The following STKLD1 variants were observed in gnomAD, a reference collection of about 807,000 sequenced individuals.
STKLD1 encodes the protein serine/threonine kinase-like domain-containing protein STKLD1.
Under a neutral mutation model 80.4 loss-of-function variants are expected in STKLD1, and 79 were observed. That is an observed-to-expected ratio of 0.98 (90% CI 0.82 to 1.19). STKLD1 has a LOEUF of 1.19. Among genes scored for constraint, STKLD1 ranks in the 50% most tolerant of loss-of-function variants. The pLI, the probability that STKLD1 is intolerant of heterozygous loss-of-function variation, is 0.00. For missense variants in STKLD1, 841 were observed against 856.0 expected (o/e 0.98, Z 0.22); for synonymous variants, 393 against 357.6 (o/e 1.10, Z -1.12).
chr9:133,403,872 G>A, intron 15 of STKLD1, 44 bp downstream of exon 15: 1 of 1,611,336 alleles, frequency 6.2e-7, no homozygotes, highest in Non-Finnish European at 8.5e-7. Flanking sequence ...TGGGAGGGGT[G>A]GGCCTCATGG....
chr9:133,404,893 A>C lies in STKLD1; in HGVS notation c.1837A>C (p.Asn613His). 1 of 1,613,440 alleles carries C rather than the reference A, an allele frequency of 6.2e-7. No individual in the cohort carries two copies. The highest frequency in any genetic ancestry group is 1.7e-4 in the Middle Eastern group (1 of 6,056). ...LHRDDPEVVE[N>H]VGMLLVHLAS... ...CAGGGACGACCCGGAGGTGGTGGAG[A>C]ACGTGGGCATGCTGCTGGTCCACCT... Residue 613 changes from asparagine to histidine, a missense_variant, in exon 17 of 18, where the codon AAC (asparagine) becomes CAC (histidine). Physicochemically the swap from Asn to His is moderately conservative, Grantham distance 68. Coordinates refer to ENST00000371957, the MANE Select transcript of STKLD1 (RefSeq NM_153710.5).
intron 10 of STKLD1, 151 bp downstream of exon 10, chr9:133,397,445 C>A (rs1838591094): frequency 4.0e-6 from 4 of 1,010,244 alleles, no homozygotes; most frequent in Non-Finnish European, 5.8e-6. Flanking sequence ...TCCCTCCATC[C>A]ATCCCTACAC....
At chr9:133,396,068 A>C in intron 9 of STKLD1, 1 of 216,448 alleles carries the variant, frequency 4.6e-6, no homozygotes, top group Non-Finnish European at 9.2e-6. Context: ...ATAAAAAAAA[A>C]AATTCCTAAA....
Position 133,405,469 on chromosome 9 carries a change from A to G in STKLD1, c.*48A>G. The G allele has an allele frequency of 6.5e-7, 1 of 1,527,718 alleles. No homozygotes were observed. The highest frequency in any genetic ancestry group is 8.8e-7 in the Non-Finnish European group (1 of 1,139,066). The allele number at this position is 1,527,718 out of a possible 1,614,324, so 94.6% of individuals were successfully genotyped here. A position where few individuals can be genotyped will look rare whatever the true frequency, so the allele number is the denominator to read the frequency against. On this transcript the variant is annotated 3_prime_UTR_variant, in exon 18 of 18. Coordinates refer to ENST00000371957, the MANE Select transcript of STKLD1 (RefSeq NM_153710.5). ...GATCTCCACGTGTATAGTTTTCAAG[A>G]CTGCTCTCCTGCCTGCCTATTATCC...
In STKLD1 at chr9:133,403,694, T is replaced by C. The variant is rs782319309; in HGVS notation, c.1475-6T>C. On this transcript the variant is annotated splice_region_variant and splice_polypyrimidine_tract_variant and intron_variant, in intron 14 of 17. Transcript: ENST00000371957. ...GTGTCCCCTTCCATCCCTGTCCTCG[T>C]TCCAGGTATCATTGTGAACAAGGCC... The C allele has an allele frequency of 6.2e-7, 1 of 1,612,526 alleles. No individual in the cohort carries two copies. Among genetic ancestry groups the C allele is most frequent in the African/African-American group, 1.3e-5 (1 of 75,052 alleles).
intron 17 of STKLD1, 83 bp downstream of exon 17, chr9:133,405,012 G>A (rs1002990606): frequency 1.2e-4 from 184 of 1,550,472 alleles, no homozygotes; most frequent in Non-Finnish European, 1.6e-4. Flanking sequence ...CAGGGAAGGA[G>A]CACATGGAAG....
chr9:133,387,753 C>A (rs2130280678), intron 5 of STKLD1: 1 of 673,828 alleles, frequency 1.5e-6, no homozygotes, highest in Admixed American at 2.0e-5. Flanking sequence ...CAACTTCCAC[C>A]CAGATCAAGA....
Position 133,405,638 on chromosome 9 carries a change from C to G in STKLD1, c.*217C>G, listed in dbSNP as rs1045255230. ...GGACTGTCCACGAAAACTGACTTGC[C>G]TGCTTCCTCCTTCCAGGAACTGGTT... is the stretch of plus-strand genomic sequence containing the variant. On this transcript the variant is annotated 3_prime_UTR_variant, in exon 18 of 18. Coordinates refer to ENST00000371957, the MANE Select transcript of STKLD1 (RefSeq NM_153710.5). 1 of 445,718 alleles carries G rather than the reference C, an allele frequency of 2.2e-6. No individual in the cohort carries two copies. The highest frequency in any genetic ancestry group is 2.0e-5 in the African/African-American group (1 of 48,980). The allele number at this position is 445,718 out of a possible 1,614,324, so 27.6% of individuals were successfully genotyped here.
rs181110570 is a variant in STKLD1 at position 133,401,720 on chromosome 9, T to C, written c.1199-18T>C. The C allele has an allele frequency of 1.9e-4, 312 of 1,608,078 alleles. 1 individual carries two copies. The East Asian group carries it at 5.0e-3, about 26-fold the overall frequency. The stretch of plus-strand genomic sequence containing the variant: ...AGCTGTGGGGCTAACCCCAGGCGTC[T>C]TCCTCTGGCTTGAGCAGCGCTGGTG... On this transcript the variant is annotated intron_variant, in intron 12 of 17. Coordinates refer to ENST00000371957, the MANE Select transcript of STKLD1 (RefSeq NM_153710.5).
At position 133,384,959 on chromosome 9, in the gene STKLD1, A is replaced by G. The variant is rs1159724207; in HGVS notation, c.220-658A>G. On this transcript the variant is annotated intron_variant, in intron 3 of 17. Transcript: ENST00000371957. This position sits in a 1 kb window ranked among gnomAD's most constrained non-coding sequence, Gnocchi z 4.3. Reference sequence around the variant, plus strand: ...CTCTGGAGCTTGGCCAGCAAACATTATTGGGTGTATAGTGTGACCGAAGCA... The same window carrying G: ...CTCTGGAGCTTGGCCAGCAAACATTGTTGGGTGTATAGTGTGACCGAAGCA... Among the ~76,000 whole-genome samples the G allele has an allele frequency of 1.3e-5, 2 of 152,130 alleles. No individual in the cohort carries two copies. The highest frequency in any genetic ancestry group is 3.9e-4 in the East Asian group (2 of 5,166).
chr9:133,403,907 C>A lies in STKLD1; in HGVS notation c.1604-13C>A, dbSNP rs1335935710. On this transcript the variant is annotated splice_polypyrimidine_tract_variant and intron_variant, in intron 15 of 17. Transcript: ENST00000371957. ...GCACAGCAGGCACAAGGCAGCCCGG[C>A]CCCTTTCTGCAGGCTGCATCAAGGA... 4 of 1,606,358 alleles carry A rather than the reference C, an allele frequency of 2.5e-6. No individual in the cohort carries two copies. Among genetic ancestry groups the A allele is most frequent in the Non-Finnish European group, 3.4e-6 (4 of 1,175,422 alleles).
At position 133,379,127 on chromosome 9, in the gene STKLD1, G is replaced by A. The variant is rs2130259702; in HGVS notation, c.174+5G>A. On this transcript the variant is annotated splice_donor_5th_base_variant and intron_variant, in intron 2 of 17. Transcript: ENST00000371957. ...GTCAAGCATGTGATAAAGCAGGTAAGAGGCCAAGCCTGTGCATCCCATGCC... is the reference window on the plus strand; with the variant it reads ...GTCAAGCATGTGATAAAGCAGGTAAAAGGCCAAGCCTGTGCATCCCATGCC... 2.4e-5 allele frequency: 39 copies of A among 1,613,518 alleles called. No individual in the cohort carries two copies. The highest frequency in any genetic ancestry group is 3.1e-5 in the Non-Finnish European group (36 of 1,179,668).
Position 133,384,241 on chromosome 9 carries a change from C to T in STKLD1, c.219+341C>T, listed in dbSNP as rs1838215846. On this transcript the variant is annotated intron_variant, in intron 3 of 17. Transcript: ENST00000371957. This position sits in a 1 kb window ranked among gnomAD's most constrained non-coding sequence, Gnocchi z 4.3. ...ATCACTTGAGGTCAGGAGTTCAAGA[C>T]CAGCCTAGCCAACATGGGGAAACCC... The T allele has an allele frequency of 4.5e-6, 1 of 220,552 alleles. No homozygotes were observed. Among genetic ancestry groups the T allele is most frequent in the Non-Finnish European group, 9.2e-6 (1 of 108,728 alleles). 13.7% of individuals were successfully genotyped at this position (220,552 alleles called of 1,614,324 possible). A position where few individuals can be genotyped will look rare whatever the true frequency, so the allele number is the denominator to read the frequency against.
chr9:133,386,504 C>T (rs1016899039), intron 4 of STKLD1, among the ~76,000 whole-genome samples: 2 of 152,368 alleles, frequency 1.3e-5, no homozygotes, highest in African/African-American at 4.8e-5. Flanking sequence ...CCCTGTGCAG[C>T]TTACTGACCA....
rs150983833 is a variant in STKLD1, at chr9:133,396,886, CAA to C, written c.867-277_867-276del. Reference sequence around the variant, plus strand: ...TTCATGTTTCTATGGAGGCAGGGGACAAGAGCAAAAGTGCCAGGGCCCCGGAC... The same window carrying C: ...TTCATGTTTCTATGGAGGCAGGGGACGAGCAAAAGTGCCAGGGCCCCGGAC... On this transcript the variant is annotated intron_variant, in intron 9 of 17. Coordinates refer to ENST00000371957, the MANE Select transcript of STKLD1 (RefSeq NM_153710.5). 5.3e-3 allele frequency among the ~76,000 whole-genome samples: 810 copies of C among 152,288 alleles called. 7 individuals carry two copies. Among genetic ancestry groups the C allele is most frequent in the African/African-American group, 0.019 (783 of 41,556 alleles).
rs1436607175 is a variant in STKLD1, at chr9:133,389,163, A to C, written c.397-363A>C. The C allele has an allele frequency of 1.0e-6, 1 of 985,220 alleles. No homozygotes were observed. The highest frequency in any genetic ancestry group is 1.1e-4 in the East Asian group (1 of 8,816). 61.0% of individuals were successfully genotyped at this position (985,220 alleles called of 1,614,324 possible). A position where few individuals can be genotyped will look rare whatever the true frequency, so the allele number is the denominator to read the frequency against. ...AGGATTGAGCTCATGTAGGCACTGA[A>C]GGCTTCCACCTCTCCCATACCCGCA... is the stretch of plus-strand genomic sequence containing the variant. On this transcript the variant is annotated intron_variant, in intron 5 of 17. Transcript: ENST00000371957. This position sits in a 1 kb window ranked among gnomAD's most constrained non-coding sequence, Gnocchi z 6.4.
intron 7 of STKLD1, among the ~76,000 whole-genome samples, chr9:133,392,505 AGATG>A (rs1554775932): frequency 1.5e-5 from 2 of 136,548 alleles, no homozygotes; most frequent in African/African-American, 2.8e-5. Context: ...GTGGGTGGAT[AGATG>A]GATGAATAGG....
chr9:133,388,322 C>T (rs2130282129), intron 5 of STKLD1, among the ~76,000 whole-genome samples: 11 of 152,128 alleles, frequency 7.2e-5, no homozygotes, highest in Non-Finnish European at 1.6e-4. Flanking sequence ...GACCTTGGCT[C>T]ACTGCAACCT....
intron 11 of STKLD1, among the ~76,000 whole-genome samples, chr9:133,400,193 G>A (rs1219627327): frequency 6.6e-6 from 1 of 152,210 alleles, no homozygotes; most frequent in Non-Finnish European, 1.5e-5. Flanking sequence ...AGCCTTGGGA[G>A]GGGCCACTTC....
Sources: gnomAD v4.1 joint callset for allele counts (sites outside exome capture counted in the v4.1 genomes callset) on GRCh38, gnomAD v4.1.1 for gene constraint, Gnocchi (gnomAD v3.1) non-coding constraint, MANE v1.5 for transcripts, NCBI Gene and HGNC (gene_info 2026-07-23, HGNC 2026-07-21) for gene names.